The following ADGRG6 variants were observed in gnomAD, a reference collection of about 807,000 sequenced individuals.
The protein encoded by ADGRG6 is adhesion G protein-coupled receptor G6.
In ADGRG6, 84 loss-of-function variants were observed where a neutral mutation model predicts 142.4. The ratio of observed to expected loss-of-function variants is 0.59; its 90% CI spans 0.49 to 0.71. ADGRG6 has a LOEUF of 0.71. Ranked by LOEUF, ADGRG6 falls within the 30% of genes least tolerant of loss-of-function variation. The pLI is 0.00. For missense variants in ADGRG6, 1,367 were observed against 1,466.6 expected, an observed-to-expected ratio of 0.93 and a Z score of 1.11; for synonymous variants, 521 against 520.5, an observed-to-expected ratio of 1.00 and a Z score of -0.01.
In ADGRG6 at chr6:142,367,783, C is replaced by T. The variant is rs369762357; in HGVS notation, c.318C>T (p.Ser106=). The T allele has an allele frequency of 2.2e-5, 36 of 1,613,316 alleles. No homozygotes were observed. In the African/African-American group the frequency reaches 3.6e-4, roughly 16 times the overall value. The change falls in exon 3 of 25, where the codon AGC becomes AGT. Residue 106 remains serine, a synonymous_variant. Transcript: ENST00000367609. The part of the protein sequence containing the change: ...YDSLSLDNGE[S]QTKFCGATAK... ...CATTATCCCTTGATAATGGAGAGAG[C>T]CAGACTAAATTTTGTGGAGCAACTG...
rs1393987056 is a variant in ADGRG6 at position 142,410,475 on chromosome 6, G to A, written c.2434+556G>A. Among the ~76,000 whole-genome samples, 6 of 129,430 alleles carry A rather than the reference G, an allele frequency of 4.6e-5. No individual in the cohort carries two copies. The East Asian group carries it at 1.1e-3, about 24-fold the overall frequency. 84.9% of individuals were successfully genotyped at this position (129,430 alleles called of 152,430 possible). Reference sequence around the variant, plus strand: ...GCAAAATTAAGGGATGAATCAATCAGTAGGCATAAGGTGTAAATCTCTTTG... The same window carrying A: ...GCAAAATTAAGGGATGAATCAATCAATAGGCATAAGGTGTAAATCTCTTTG... On this transcript the variant is annotated intron_variant, in intron 17 of 24. Transcript: ENST00000367609.
At chr6:142,410,814 A>G (rs1776044743) in intron 17 of ADGRG6, among the ~76,000 whole-genome samples, 2 of 152,102 alleles carry the variant, frequency 1.3e-5, no homozygotes, top group African/African-American at 4.8e-5. Context: ...ATTTTATACC[A>G]TGAAAGTCAA....
intron 6 of ADGRG6, among the ~76,000 whole-genome samples, chr6:142,389,551 C>A (rs1316533536): frequency 6.6e-6 from 1 of 151,792 alleles, no homozygotes; most frequent in East Asian, 1.9e-4. Flanking sequence ...TTTAAAGATT[C>A]CCCCCACCCA....
intron 4 of ADGRG6, among the ~76,000 whole-genome samples, chr6:142,377,760 G>A (rs1055142904): frequency 1.5e-4 from 23 of 152,122 alleles, no homozygotes; most frequent in African/African-American, 5.6e-4. Flanking sequence ...GACTTTTTAT[G>A]CAGATATGCT....
At chr6:142,330,889 G>T (rs1779023832) in intron 2 of ADGRG6, among the ~76,000 whole-genome samples, 1 of 151,978 alleles carries the variant, frequency 6.6e-6, no homozygotes, top group African/African-American at 2.4e-5. Context: ...AATATTTTTA[G>T]AGTATATAAT....
chr6:142,396,725 T>G (rs922639072), intron 9 of ADGRG6, among the ~76,000 whole-genome samples: 8 of 152,098 alleles, frequency 5.3e-5, no homozygotes, highest in African/African-American at 1.9e-4. Context: ...AAGAAACAAT[T>G]TTTTTGTGAA....
At chr6:142,350,118 C>T (rs889628589) in intron 2 of ADGRG6, among the ~76,000 whole-genome samples, 4 of 151,884 alleles carry the variant, frequency 2.6e-5, no homozygotes, top group Admixed American at 6.6e-5. Context: ...TTTTTTTCAT[C>T]GATAATGTAA....
At chr6:142,319,510 A>G (rs1778414934) in intron 2 of ADGRG6, among the ~76,000 whole-genome samples, 1 of 152,134 alleles carries the variant, frequency 6.6e-6, no homozygotes, top group Non-Finnish European at 1.5e-5. Flanking sequence ...GAAGTTTTTC[A>G]TATTCTTCAA....
chr6:142,436,081 A>T (rs748161110), intron 22 of ADGRG6, among the ~76,000 whole-genome samples: 1 of 152,134 alleles, frequency 6.6e-6, no homozygotes, highest in Non-Finnish European at 1.5e-5. Flanking sequence ...CCCAGTGAAG[A>T]TGTCCTTTGA....
At chr6:142,412,276 A>G (rs2115058348) in intron 18 of ADGRG6, among the ~76,000 whole-genome samples, 1 of 152,258 alleles carries the variant, frequency 6.6e-6, no homozygotes, top group Non-Finnish European at 1.5e-5. Context: ...TTTGGTTTTC[A>G]TAAAGGGACC....
At chr6:142,399,411 ATGGGGCTTTT>A (rs920713453) in intron 10 of ADGRG6, among the ~76,000 whole-genome samples, 20 of 152,270 alleles carry the variant, frequency 1.3e-4, no homozygotes, top group African/African-American at 4.6e-4. Context: ...TTCTTAACAA[ATGGGGCTTTT>A]TGGAGGGAGG....
intron 4 of ADGRG6, among the ~76,000 whole-genome samples, chr6:142,373,194 G>A (rs1781335541): frequency 6.6e-6 from 1 of 152,152 alleles, no homozygotes; most frequent in Non-Finnish European, 1.5e-5. Flanking sequence ...TATTAGAGCT[G>A]TGCTCTTCTA....
chr6:142,416,126 A>T, intron 20 of ADGRG6, 62 bp downstream of exon 20: 1 of 1,253,284 alleles, frequency 8.0e-7, no homozygotes, highest in South Asian at 1.4e-5. Flanking sequence ...AGATTCTCAT[A>T]GGAAAAAATC....
rs1777882964 is a variant in ADGRG6 at position 142,444,174 on chromosome 6, T to C, written c.*659T>C. On this transcript the variant is annotated 3_prime_UTR_variant, in exon 25 of 25. Transcript: ENST00000367609. ...AATGAGGCTATATAAATTTCTAATATTTTACTTATTCTATTCAAGGCATAG... is the reference window on the plus strand; with the variant it reads ...AATGAGGCTATATAAATTTCTAATACTTTACTTATTCTATTCAAGGCATAG... 6.6e-6 allele frequency: 1 copy of C among 152,256 alleles called. No homozygotes were observed. The highest frequency in any genetic ancestry group is 2.4e-5 in the African/African-American group (1 of 41,472). The allele number at this position is 152,256 out of a possible 1,614,324, so 9.4% of individuals were successfully genotyped here. A position where few individuals can be genotyped will look rare whatever the true frequency, so the allele number is the denominator to read the frequency against.
At chr6:142,343,277 A>G (rs978594386) in intron 2 of ADGRG6, among the ~76,000 whole-genome samples, 2 of 151,770 alleles carry the variant, frequency 1.3e-5, no homozygotes, top group Non-Finnish European at 3.0e-5. Context: ...GTACTTGGAA[A>G]TAGGAAAATA....
At chr6:142,306,728 G>A (rs1777516211) in intron 1 of ADGRG6, among the ~76,000 whole-genome samples, 1 of 151,946 alleles carries the variant, frequency 6.6e-6, no homozygotes, top group African/African-American at 2.4e-5. Flanking sequence ...TAGAACCTTA[G>A]TAACCCTGTT....
At chr6:142,308,797 T>TA (rs528938207) in intron 1 of ADGRG6, among the ~76,000 whole-genome samples, 83 of 151,964 alleles carry the variant, frequency 5.5e-4, no homozygotes, top group African/African-American at 2.0e-3. Flanking sequence ...AACTGTATTA[T>TA]ACCATTGTTT....
chr6:142,337,361 C>G (rs1779366432), intron 2 of ADGRG6, among the ~76,000 whole-genome samples: 1 of 152,090 alleles, frequency 6.6e-6, no homozygotes, highest in Admixed American at 6.5e-5. Context: ...GTAATGGAAA[C>G]AAAATAGAAT....
rs938403456 is a variant in ADGRG6 at position 142,415,087 on chromosome 6, T to C, written c.2660T>C (p.Val887Ala). ...TCAGCAGCAACTCTCCTGACATATGTTGCTTTTGAGTAAGTATATTTTTAA... is the reference window on the plus strand; with the variant it reads ...TCAGCAGCAACTCTCCTGACATATGCTGCTTTTGAGTAAGTATATTTTTAA... ...IFSAATLLTY[V>A]AFEKLRRDYP... The change falls in exon 19 of 25, where the codon GTT becomes GCT. Residue 887 changes from valine (V) to alanine (A), a missense_variant. Val to Ala is a moderately conservative substitution (Grantham distance 64). Transcript: ENST00000367609. The C allele has an allele frequency of 4.3e-6, 7 of 1,610,046 alleles. No individual in the cohort carries two copies. The Admixed American group carries it at 8.4e-5, about 19-fold the overall frequency.
Sources: allele counts gnomAD v4.1 joint callset (sites outside exome capture counted in the v4.1 genomes callset), GRCh38; gene constraint gnomAD v4.1.1; transcripts MANE v1.5; gene names NCBI Gene and HGNC (gene_info 2026-07-23, HGNC 2026-07-21).